Variants in WRN observed in about 807,000 individuals in gnomAD.
WRN encodes the protein bifunctional 3'-5' exonuclease/ATP-dependent helicase WRN.
WRN carries 149 observed loss-of-function variants against 180.7 expected under a neutral mutation model. The observed-to-expected ratio is 0.82, with a 90% CI of 0.72 to 0.94. The LOEUF (loss-of-function observed/expected upper bound fraction) is 0.94. Ranked by LOEUF, WRN falls within the 40% of genes least tolerant of loss-of-function variation. The pLI, the probability that WRN is intolerant of heterozygous loss-of-function variation, is 0.00. For missense variants in WRN, 1,661 were observed against 1,700.1 expected (o/e 0.98, Z 0.40); for synonymous variants, 548 against 568.9 (o/e 0.96, Z 0.52).
At chr8:31,103,208 G>A (rs1800948821) in intron 18 of WRN, among the ~76,000 whole-genome samples, 1 of 152,126 alleles carries the variant, frequency 6.6e-6, no homozygotes, top group Non-Finnish European at 1.5e-5. Flanking sequence ...TGAAGGACCT[G>A]CCTGAGGCTG....
intron 11 of WRN, among the ~76,000 whole-genome samples, chr8:31,086,607 T>C (rs1270387763): frequency 1.3e-5 from 2 of 151,758 alleles, no homozygotes. Flanking sequence ...AAAAAGTAGA[T>C]TGTGAATTCA....
chr8:31,162,242 C>A (rs1336023038), intron 33 of WRN, among the ~76,000 whole-genome samples: 1 of 152,056 alleles, frequency 6.6e-6, no homozygotes, highest in Admixed American at 6.5e-5. Flanking sequence ...TTCTTTATAT[C>A]CTTCTTCTCT....
chr8:31,142,639 T>C lies in WRN; in HGVS notation c.3247T>C (p.Ser1083Pro). The part of the protein sequence containing the change: ...KLLLPSSKTV[S>P]SGTKEHCYNQ... ...ATTATTTTTTAGTTCGAAAACTGTA[T>C]CTTCGGGCACCAAAGAGCATTGTTA... Residue 1083 changes from serine to proline, a missense_variant, in exon 27 of 35, where the codon TCT becomes CCT. Coordinates refer to ENST00000298139, the MANE Select transcript of WRN (RefSeq NM_000553.6). The C allele has an allele frequency of 6.2e-7, 1 of 1,600,682 alleles. No homozygotes were observed. Among genetic ancestry groups the C allele is most frequent in the South Asian group, 1.2e-5 (1 of 86,544 alleles).
chr8:31,136,359 G>T (rs1047959944), intron 24 of WRN, among the ~76,000 whole-genome samples: 9 of 152,184 alleles, frequency 5.9e-5, no homozygotes, highest in Admixed American at 3.9e-4. Flanking sequence ...CTGGTAAAAA[G>T]ACTATTTAAC....
At chr8:31,125,565 T>TATATATATATATATATATATATATAA (rs1801898852) in intron 23 of WRN, among the ~76,000 whole-genome samples, 1 of 126,540 alleles carries the variant, frequency 7.9e-6, no homozygotes, top group Non-Finnish European at 1.7e-5. Context: ...TATATATATA[T>TATATATATATATATATATATATATAA]ATATGGGGAG....
intron 8 of WRN, among the ~76,000 whole-genome samples, chr8:31,077,471 G>A (rs944364746): frequency 6.6e-6 from 1 of 151,874 alleles, no homozygotes; most frequent in Non-Finnish European, 1.5e-5. Context: ...CTCGATCTCC[G>A]GACCTCGTGA....
Position 31,167,229 on chromosome 8 carries a change from AG to A in WRN, c.4191+1del, listed in dbSNP as rs1563393762. ...AAGGAAGAAGTAGGCATCAATACTG[AG>A]GTATTAATTATATATAGAATTTTCA... is the stretch of plus-strand genomic sequence containing the variant. ...RSKEEVGINT[E>X]TSSAERKRRL... On this transcript the variant is annotated frameshift_variant and splice_region_variant, in exon 34 of 35. Transcript: ENST00000298139. LOFTEE classifies it low-confidence loss of function (END_TRUNC). The A allele has an allele frequency of 6.2e-7, 1 of 1,610,266 alleles. No individual in the cohort carries two copies. The highest frequency in any genetic ancestry group is 2.2e-5 in the East Asian group (1 of 44,746).
At chr8:31,153,250 C>A (rs1305140805) in intron 31 of WRN, among the ~76,000 whole-genome samples, 1 of 152,154 alleles carries the variant, frequency 6.6e-6, no homozygotes, top group Non-Finnish European at 1.5e-5. Context: ...GGTAGTGCAG[C>A]TCTATTCCCC....
chr8:31,164,584 C>A (rs986762508), intron 33 of WRN, among the ~76,000 whole-genome samples: 2 of 152,036 alleles, frequency 1.3e-5, no homozygotes, highest in South Asian at 2.1e-4. Context: ...CCTTTGTATT[C>A]TTTTTGTTTT....
At chr8:31,164,624 T>C (rs1403630916) in intron 33 of WRN, among the ~76,000 whole-genome samples, 2 of 152,188 alleles carry the variant, frequency 1.3e-5, no homozygotes, top group Admixed American at 1.3e-4. Flanking sequence ...AAACTCTGTT[T>C]ATGGATTTGG....
intron 7 of WRN, among the ~76,000 whole-genome samples, chr8:31,072,947 C>G (rs552341145): frequency 6.6e-6 from 1 of 151,994 alleles, no homozygotes; most frequent in Non-Finnish European, 1.5e-5. Flanking sequence ...AGGAACAGTA[C>G]CTATAACTGA....
intron 3 of WRN, among the ~76,000 whole-genome samples, chr8:31,060,340 G>A (rs1812441911): frequency 6.6e-6 from 1 of 152,282 alleles, no homozygotes; most frequent in East Asian, 1.9e-4. Context: ...GCCAAGGCAG[G>A]AGGATTGCTT....
intron 5 of WRN, among the ~76,000 whole-genome samples, chr8:31,066,129 C>T (rs552510688): frequency 2.3e-4 from 35 of 152,118 alleles, no homozygotes; most frequent in African/African-American, 7.0e-4. Flanking sequence ...CTGCCTGCCT[C>T]GGCCTCCCAA....
chr8:31,113,674 C>T (rs1233739891), intron 19 of WRN, among the ~76,000 whole-genome samples: 1 of 152,102 alleles, frequency 6.6e-6, no homozygotes, highest in Non-Finnish European at 1.5e-5. Flanking sequence ...AAGCAGTTTG[C>T]CTTTTTTGTG....
At chr8:31,076,040 G>T in intron 7 of WRN, 133 bp from the exon 8 acceptor site, 1 of 740,638 alleles carries the variant, frequency 1.4e-6, no homozygotes. Flanking sequence ...GATTGAATAA[G>T]AAGGTCTTTT....
intron 7 of WRN, among the ~76,000 whole-genome samples, chr8:31,072,508 T>G (rs575555769): frequency 1.4e-4 from 21 of 152,222 alleles, no homozygotes; most frequent in African/African-American, 4.8e-4. Context: ...ATCTGAGGAA[T>G]GTGGGAACAG....
chr8:31,162,415 A>G (rs1272245277), intron 33 of WRN, among the ~76,000 whole-genome samples: 1 of 152,162 alleles, frequency 6.6e-6, no homozygotes, highest in Non-Finnish European at 1.5e-5. Context: ...CCAGGTCTTC[A>G]GGGGCAGTCA....
In WRN at chr8:31,089,066, C is replaced by T. The variant is rs11574241; in HGVS notation, c.1652+101C>T. On this transcript the variant is annotated intron_variant, in intron 13 of 34. Coordinates refer to ENST00000298139, the MANE Select transcript of WRN (RefSeq NM_000553.6). ...CTGCTTAACAGCAACAGCACAACTTCACTATAGTTATACATGCCACACTGT... is the reference window on the plus strand; with the variant it reads ...CTGCTTAACAGCAACAGCACAACTTTACTATAGTTATACATGCCACACTGT... The T allele has an allele frequency of 1.3e-4, 126 of 952,814 alleles. No homozygotes were observed. The African/African-American group carries it at 1.7e-3, about 13-fold the overall frequency. The allele number at this position is 952,814 out of a possible 1,614,324, so 59.0% of individuals were successfully genotyped here. A position where few individuals can be genotyped will look rare whatever the true frequency, so the allele number is the denominator to read the frequency against.
intron 19 of WRN, among the ~76,000 whole-genome samples, chr8:31,115,018 C>T (rs566781713): frequency 2.0e-5 from 3 of 151,630 alleles, no homozygotes; most frequent in South Asian, 2.1e-4. Context: ...GCCTCAGCCT[C>T]CTGGGTAGCT....
Sources: gnomAD v4.1 joint callset for allele counts (sites outside exome capture counted in the v4.1 genomes callset) on GRCh38, gnomAD v4.1.1 for gene constraint, MANE v1.5 for transcripts, NCBI Gene and HGNC (gene_info 2026-07-23, HGNC 2026-07-21) for gene names.